The following DLG1 variants were observed in gnomAD, a reference collection of about 807,000 sequenced individuals.
DLG1 encodes disks large homolog 1.
DLG1 carries 42 observed loss-of-function variants against 123.4 expected under a neutral mutation model. The ratio of observed to expected loss-of-function variants is 0.34; its 90% CI spans 0.27 to 0.44. The LOEUF (loss-of-function observed/expected upper bound fraction) is 0.44, where lower values mean the gene tolerates loss of function less well. DLG1 is among the 20% of genes least tolerant of loss of function. The pLI, the probability that DLG1 is intolerant of heterozygous loss-of-function variation, is 1.00. For synonymous variants in DLG1, 317 were observed against 356.2 expected, an observed-to-expected ratio of 0.89 and a Z score of 1.24; for missense variants, 942 against 1,082.6, an observed-to-expected ratio of 0.87 and a Z score of 1.82.
chr3:197,191,309 G>C (rs1244209886), intron 5 of DLG1, among the ~76,000 whole-genome samples: 2 of 152,276 alleles, frequency 1.3e-5, no homozygotes, highest in African/African-American at 4.8e-5. Context: ...GAGACTCTGG[G>C]TAAACAAAAT....
intron 6 of DLG1, among the ~76,000 whole-genome samples, chr3:197,146,958 A>C (rs1791087151): frequency 6.6e-6 from 1 of 152,302 alleles, no homozygotes; most frequent in South Asian, 2.1e-4. Flanking sequence ...GCAAGAAAAA[A>C]ACAATCTCAT....
intron 4 of DLG1, chr3:197,260,340 C>T (rs945980598): frequency 5.1e-6 from 2 of 391,220 alleles, no homozygotes; most frequent in African/African-American, 4.3e-5. Flanking sequence ...TTTAAGTTGC[C>T]TAGTTGAACA....
At chr3:197,049,731 A>G (rs1371151881) in intron 24 of DLG1, among the ~76,000 whole-genome samples, 1 of 152,148 alleles carries the variant, frequency 6.6e-6, no homozygotes, top group Non-Finnish European at 1.5e-5. Flanking sequence ...GGGCAGCAAG[A>G]GCAAAACTCC....
At chr3:197,255,825 G>C (rs1756599975) in intron 4 of DLG1, among the ~76,000 whole-genome samples, 1 of 151,828 alleles carries the variant, frequency 6.6e-6, no homozygotes, top group African/African-American at 2.4e-5. Flanking sequence ...CTTGGAAAGA[G>C]CTAATGGGAG....
rs374138843 is a variant in DLG1, at chr3:197,085,682, A to G, written c.1736T>C (p.Ile579Thr). Reference sequence around the variant, plus strand: ...ATCAGAAGCATTAATAACATGGAGGATATCTCCAAATTTGAAGTTCAGTCC... The same window carrying G: ...ATCAGAAGCATTAATAACATGGAGGGTATCTCCAAATTTGAAGTTCAGTCC... Reference protein sequence around the residue: ...SQGLNFKFGDILHVINASDDE... With the variant: ...SQGLNFKFGDTLHVINASDDE... Residue 579 changes from isoleucine (I) to threonine (T), a missense_variant, in exon 16 of 25, where the codon ATC becomes ACC. Coordinates refer to ENST00000667157, the MANE Select transcript of DLG1 (RefSeq NM_001366207.1). The G allele has an allele frequency of 4.3e-6, 7 of 1,613,740 alleles. No individual in the cohort carries two copies. Among genetic ancestry groups the G allele is most frequent in the South Asian group, 1.1e-5 (1 of 91,068 alleles).
intron 4 of DLG1, among the ~76,000 whole-genome samples, chr3:197,277,427 G>A (rs1045403741): frequency 2.0e-5 from 3 of 151,802 alleles, no homozygotes; most frequent in Non-Finnish European, 2.9e-5. Context: ...GGCAACCTCC[G>A]CTTCCTAGGT....
intron 13 of DLG1, among the ~76,000 whole-genome samples, chr3:197,115,573 CA>C (rs1483453625): frequency 1.3e-5 from 2 of 152,074 alleles, no homozygotes; most frequent in Admixed American, 1.3e-4. Flanking sequence ...TTAAAAAAAT[CA>C]TATTTGGATA....
At chr3:197,154,189 C>G (rs557956965) in intron 5 of DLG1, among the ~76,000 whole-genome samples, 7 of 151,932 alleles carry the variant, frequency 4.6e-5, no homozygotes, top group African/African-American at 1.7e-4. Context: ...ATAATCCCAG[C>G]TACTTGGAAG....
intron 1 of DLG1, chr3:197,297,569 G>A: frequency 9.5e-7 from 1 of 1,054,256 alleles, no homozygotes; most frequent in South Asian, 3.3e-5. Flanking sequence ...GGCGGGTGAA[G>A]CGCTCCGACC....
intron 3 of DLG1, among the ~76,000 whole-genome samples, chr3:197,295,026 T>C (rs1387910278): frequency 1.3e-5 from 2 of 152,330 alleles, no homozygotes. Flanking sequence ...AAATGCTTTT[T>C]GCTGTTTTTC....
At chr3:197,205,741 G>A (rs1728184734) in intron 4 of DLG1, among the ~76,000 whole-genome samples, 1 of 152,196 alleles carries the variant, frequency 6.6e-6, no homozygotes, top group Non-Finnish European at 1.5e-5. Context: ...AAACATAGTG[G>A]CTTAAAACAA....
chr3:197,297,898 G>T (rs1158246046), intron 1 of DLG1: 38 of 982,478 alleles, frequency 3.9e-5, no homozygotes, highest in Non-Finnish European at 4.5e-5. Context: ...CCCCCGCCCC[G>T]CCCGGGGCCC....
chr3:197,154,979 T>C (rs1219604505), intron 5 of DLG1, among the ~76,000 whole-genome samples: 1 of 151,776 alleles, frequency 6.6e-6, no homozygotes, highest in Non-Finnish European at 1.5e-5. Flanking sequence ...ATTGTGGGAG[T>C]TGCATGAGAA....
chr3:197,091,954 A>G (rs1234213218), intron 14 of DLG1, among the ~76,000 whole-genome samples: 1 of 152,196 alleles, frequency 6.6e-6, no homozygotes, highest in African/African-American at 2.4e-5. Context: ...ACTTTGTTTT[A>G]CGGATAATAA....
intron 11 of DLG1, among the ~76,000 whole-genome samples, chr3:197,124,658 C>T (rs1400149658): frequency 6.6e-6 from 1 of 151,970 alleles, no homozygotes. Flanking sequence ...GCACTATAAC[C>T]CCCAAACTCC....
Position 197,296,962 on chromosome 3 carries a change from G to GGA in DLG1, c.19+223_19+224insTC, listed in dbSNP as rs1553843633. 6.6e-5 allele frequency: 37 copies of GGA among 559,324 alleles called. No homozygotes were observed. In the Admixed American group the frequency reaches 1.1e-3, roughly 17 times the overall value. The allele number at this position is 559,324 out of a possible 1,614,324, so 34.6% of individuals were successfully genotyped here. ...TATTAAGGACATCTGTTGGGGGGGG[G>GGA]CTAACTGCCTCTCTTAATCACTAGA... On this transcript the variant is annotated intron_variant, in intron 2 of 24. Coordinates refer to ENST00000667157, the MANE Select transcript of DLG1 (RefSeq NM_001366207.1).
intron 10 of DLG1, among the ~76,000 whole-genome samples, chr3:197,132,146 T>C (rs1782952325): frequency 6.6e-6 from 1 of 152,096 alleles, no homozygotes. Flanking sequence ...TGTCATTTTG[T>C]TGATTTTTTT....
chr3:197,053,255 ACT>A (rs1729211174), intron 23 of DLG1, among the ~76,000 whole-genome samples: 1 of 152,144 alleles, frequency 6.6e-6, no homozygotes, highest in Admixed American at 6.5e-5. Context: ...ACTGTCTAGT[ACT>A]CTTTCATCCC....
At chr3:197,190,528 C>T (rs1718732580) in intron 5 of DLG1, among the ~76,000 whole-genome samples, 3 of 152,162 alleles carry the variant, frequency 2.0e-5, no homozygotes, top group East Asian at 1.9e-4. Flanking sequence ...AGTTCCAACT[C>T]GTGTTGTTCA....
Sources: gnomAD v4.1 joint callset for allele counts (sites outside exome capture counted in the v4.1 genomes callset) on GRCh38, gnomAD v4.1.1 for gene constraint, MANE v1.5 for transcripts, NCBI Gene and HGNC (gene_info 2026-07-23, HGNC 2026-07-21) for gene names.